Variants in SPOCK3 observed in about 807,000 individuals in gnomAD.
The protein encoded by SPOCK3 is SPARC (osteonectin), cwcv and kazal like domains proteoglycan 3.
A neutral mutation model predicts 56.6 loss-of-function variants in SPOCK3; 30 were observed. The observed-to-expected ratio is 0.53, with a 90% CI of 0.40 to 0.72. The LOEUF (loss-of-function observed/expected upper bound fraction) is 0.72. SPOCK3 is among the 30% of genes least tolerant of loss of function. The pLI is 0.00. For synonymous variants in SPOCK3, 196 were observed against 183.3 expected (o/e 1.07, Z -0.56); for missense variants, 527 against 530.0 (o/e 0.99, Z 0.06).
intron 2 of SPOCK3, among the ~76,000 whole-genome samples, chr4:167,213,307 G>C (rs1237995615): frequency 6.6e-6 from 1 of 152,088 alleles, no homozygotes; most frequent in East Asian, 1.9e-4. Flanking sequence ...GTGTTACGTG[G>C]AGCCAGAATG....
intron 2 of SPOCK3, among the ~76,000 whole-genome samples, chr4:167,185,522 CCCTAAATCATCCAAAG>C (rs1334468510): frequency 6.6e-6 from 1 of 152,078 alleles, no homozygotes; most frequent in Non-Finnish European, 1.5e-5. Context: ...AGAGAACCAA[CCCTAAATCATCCAAAG>C]CTCTGCCATG....
intron 2 of SPOCK3, among the ~76,000 whole-genome samples, chr4:167,161,139 A>G (rs984250021): frequency 6.6e-6 from 1 of 152,108 alleles, no homozygotes; most frequent in Non-Finnish European, 1.5e-5. Context: ...TTTGCAATCC[A>G]CTCATCTGAC....
chr4:167,099,958 C>T (rs1759491318), intron 2 of SPOCK3, among the ~76,000 whole-genome samples: 1 of 152,044 alleles, frequency 6.6e-6, no homozygotes, highest in Non-Finnish European at 1.5e-5. Context: ...CAATTATGTA[C>T]AATTTGGTCT....
chr4:166,865,888 T>C (rs1389963963), intron 6 of SPOCK3, among the ~76,000 whole-genome samples: 1 of 152,210 alleles, frequency 6.6e-6, no homozygotes, highest in Non-Finnish European at 1.5e-5. Flanking sequence ...GCTATCCCCA[T>C]CATGCTACCA....
intron 4 of SPOCK3, among the ~76,000 whole-genome samples, chr4:166,950,413 C>T (rs1742413696): frequency 6.6e-6 from 1 of 151,752 alleles, no homozygotes; most frequent in Non-Finnish European, 1.5e-5. Context: ...GCACCCAATA[C>T]AGGAGCACCA....
chr4:166,838,502 A>G (rs755352855), intron 6 of SPOCK3, among the ~76,000 whole-genome samples: 9 of 151,076 alleles, frequency 6.0e-5, no homozygotes, highest in Non-Finnish European at 1.0e-4. Flanking sequence ...TTTGGTTTTT[A>G]TATTTTTTAA....
intron 9 of SPOCK3, among the ~76,000 whole-genome samples, chr4:166,738,738 C>T (rs1198302294): frequency 3.6e-4 from 54 of 149,038 alleles, no homozygotes; most frequent in Admixed American, 2.2e-3. Context: ...TTTGTCCTTG[C>T]GATAGTTTAC....
intron 3 of SPOCK3, among the ~76,000 whole-genome samples, chr4:167,058,388 C>G (rs901455560): frequency 6.6e-6 from 1 of 152,126 alleles, no homozygotes; most frequent in East Asian, 1.9e-4. Flanking sequence ...CATTAGTGAA[C>G]TCCCATTCAT....
At chr4:166,752,575 C>T (rs397879173) in intron 8 of SPOCK3, among the ~76,000 whole-genome samples, 430 of 4,550 alleles carry the variant, frequency 0.095, no homozygotes, top group African/African-American at 0.29. Context: ...TATATATATA[C>T]ACACACACAC....
intron 6 of SPOCK3, among the ~76,000 whole-genome samples, chr4:166,804,131 A>T (rs1296623601): frequency 6.6e-6 from 1 of 152,158 alleles, no homozygotes; most frequent in Non-Finnish European, 1.5e-5. Flanking sequence ...TAGGAGTAGT[A>T]GTAAGGTTTC....
intron 4 of SPOCK3, among the ~76,000 whole-genome samples, chr4:166,957,110 C>A (rs1207092213): frequency 6.6e-6 from 1 of 152,094 alleles, no homozygotes; most frequent in Non-Finnish European, 1.5e-5. Flanking sequence ...AAAAAGTTAG[C>A]TAGGCAAGGT....
chr4:166,835,593 G>A (rs1262428955), intron 6 of SPOCK3, among the ~76,000 whole-genome samples: 1 of 152,012 alleles, frequency 6.6e-6, no homozygotes, highest in Non-Finnish European at 1.5e-5. Context: ...CTTGTATGTT[G>A]TTCTGTATTT....
chr4:166,830,382 T>C (rs994164406), intron 6 of SPOCK3, among the ~76,000 whole-genome samples: 4 of 152,206 alleles, frequency 2.6e-5, no homozygotes, highest in Non-Finnish European at 4.4e-5. Flanking sequence ...TCATAACTTA[T>C]TTTAACAATT....
intron 2 of SPOCK3, among the ~76,000 whole-genome samples, chr4:167,108,896 G>C (rs1246507405): frequency 7.2e-6 from 1 of 138,142 alleles, no homozygotes; most frequent in South Asian, 2.1e-4. Flanking sequence ...TTGCATTTCT[G>C]TATCAAAATA....
At chr4:167,139,216 C>A (rs956273291) in intron 2 of SPOCK3, among the ~76,000 whole-genome samples, 1 of 151,868 alleles carries the variant, frequency 6.6e-6, no homozygotes, top group Non-Finnish European at 1.5e-5. Context: ...AGAAGCTGAG[C>A]ATATAAATGT....
intron 2 of SPOCK3, among the ~76,000 whole-genome samples, chr4:167,132,048 C>T (rs1250921409): frequency 1.3e-5 from 2 of 152,080 alleles, no homozygotes; most frequent in African/African-American, 4.8e-5. Context: ...AAACAAATAC[C>T]AACACCAATA....
intron 2 of SPOCK3, among the ~76,000 whole-genome samples, chr4:167,069,856 T>C (rs1227648581): frequency 3.3e-5 from 5 of 151,964 alleles, no homozygotes; most frequent in African/African-American, 9.7e-5. Flanking sequence ...AACTTGGCTC[T>C]GCATATGAAT....
chr4:166,953,319 A>T (rs1742935697), intron 4 of SPOCK3, among the ~76,000 whole-genome samples: 1 of 152,236 alleles, frequency 6.6e-6, no homozygotes. Flanking sequence ...ATGCAGCCAG[A>T]AAACCCATGA....
At chr4:167,109,922 G>A (rs1459773097) in intron 2 of SPOCK3, among the ~76,000 whole-genome samples, 7 of 151,520 alleles carry the variant, frequency 4.6e-5, no homozygotes, top group African/African-American at 1.5e-4. Context: ...CTCCTTTCTC[G>A]TCTTACTAGC....
Sources: allele counts gnomAD v4.1 joint callset (sites outside exome capture counted in the v4.1 genomes callset), GRCh38; gene constraint gnomAD v4.1.1; transcripts MANE v1.5; gene names NCBI Gene and HGNC (gene_info 2026-07-23, HGNC 2026-07-21).